SYTL3: variants seen among roughly 807,000 people sequenced by gnomAD.
SYTL3 encodes synaptotagmin like 3.
In SYTL3, 88 loss-of-function variants were observed where a neutral mutation model predicts 82.1. The ratio of observed to expected loss-of-function variants is 1.07; its 90% CI spans 0.90 to 1.28. The LOEUF (loss-of-function observed/expected upper bound fraction) is 1.28. Ranked by LOEUF, SYTL3 falls within the 50% of genes most tolerant of loss-of-function variation. The probability of loss-of-function intolerance (pLI) is 0.00; values close to 1 mark genes in which losing one functional copy is unlikely to be tolerated. For synonymous variants in SYTL3, 311 were observed against 289.4 expected, an observed-to-expected ratio of 1.07 and a Z score of -0.76; for missense variants, 831 against 757.6, an observed-to-expected ratio of 1.10 and a Z score of -1.14.
chr6:158,688,107 C>T (rs944059305), intron 6 of SYTL3, among the ~76,000 whole-genome samples: 7 of 152,164 alleles, frequency 4.6e-5, no homozygotes, highest in African/African-American at 1.7e-4. Context: ...AAGACTTCTT[C>T]CAAAATGTAT....
intron 11 of SYTL3, 183 bp downstream of exon 11, chr6:158,725,820 G>C: frequency 2.4e-6 from 2 of 835,748 alleles, no homozygotes; most frequent in Non-Finnish European, 3.9e-6. Flanking sequence ...GTAAAGTTGC[G>C]TTATCCTCAG....
intron 10 of SYTL3, among the ~76,000 whole-genome samples, chr6:158,722,589 C>T (rs1028134149): frequency 3.3e-5 from 5 of 152,010 alleles, no homozygotes; most frequent in African/African-American, 7.3e-5. Context: ...CTCTTCTGTG[C>T]ATTCCACTGG....
chr6:158,684,424 G>A (rs1190751731), intron 6 of SYTL3, among the ~76,000 whole-genome samples: 1 of 152,220 alleles, frequency 6.6e-6, no homozygotes, highest in African/African-American at 2.4e-5. Context: ...ACTGTGGAGA[G>A]AATGATTTGT....
rs187152213 is a variant in SYTL3 at position 158,719,049 on chromosome 6, G to A, written c.720+838G>A. On this transcript the variant is annotated intron_variant, in intron 10 of 17. Coordinates refer to ENST00000611299, the MANE Select transcript of SYTL3 (RefSeq NM_001242394.2). Reference sequence around the variant, plus strand: ...CCTGCCTCCCGCTCCAGCCCAGTGCGCCCCTCTGTAAAATGAAGATGATAA... The same window carrying A: ...CCTGCCTCCCGCTCCAGCCCAGTGCACCCCTCTGTAAAATGAAGATGATAA... Among the ~76,000 whole-genome samples, 297 of 152,262 alleles carry A rather than the reference G, an allele frequency of 2.0e-3. 1 individual carries two copies. The highest frequency in any genetic ancestry group is 3.3e-3 in the Admixed American group (51 of 15,290).
chr6:158,729,768 G>C (rs536987459), intron 11 of SYTL3, among the ~76,000 whole-genome samples: 1 of 151,610 alleles, frequency 6.6e-6, no homozygotes, highest in Non-Finnish European at 1.5e-5. Flanking sequence ...GGGTTTCACC[G>C]TGTTAGCCAG....
At chr6:158,735,249 C>T (rs1459171587) in intron 11 of SYTL3, among the ~76,000 whole-genome samples, 1 of 152,226 alleles carries the variant, frequency 6.6e-6, no homozygotes, top group East Asian at 1.9e-4. Flanking sequence ...TTGTTTTTAA[C>T]AGCCCCATCA....
upstream of SYTL3, among the ~76,000 whole-genome samples, chr6:158,645,145 T>A (rs1170661225): frequency 1.3e-5 from 2 of 152,162 alleles, no homozygotes; most frequent in African/African-American, 4.8e-5. Context: ...GTGCGCCCGG[T>A]GAGACGTTGT....
intron 11 of SYTL3, among the ~76,000 whole-genome samples, chr6:158,740,884 G>A (rs1786841559): frequency 6.6e-6 from 1 of 152,090 alleles, no homozygotes; most frequent in South Asian, 2.1e-4. Flanking sequence ...GTTTATTCCT[G>A]TACCATAAAA....
intron 11 of SYTL3, among the ~76,000 whole-genome samples, chr6:158,734,094 C>CAAA (rs560547617): frequency 0.013 from 938 of 73,586 alleles, 47 homozygotes; most frequent in African/African-American, 0.043. Context: ...GACCCTGTCT[C>CAAA]AAAAAAAAAA....
rs1283628668 is a variant in SYTL3, at chr6:158,757,235, G to C, written c.1162G>C (p.Val388Leu). 1 of 1,611,158 alleles carries C rather than the reference G, an allele frequency of 6.2e-7. No homozygotes were observed. The highest frequency in any genetic ancestry group is 2.2e-5 in the East Asian group (1 of 44,826). Residue 388 changes from valine to leucine, a missense_variant, in exon 14 of 18, where the codon GTG becomes CTG. Val to Leu is a conservative substitution (Grantham distance 32, BLOSUM62 1). Transcript: ENST00000611299. ...GTATCAGGTGGCCCCTGCCCAGCTGGTGACCCGGCAGCTGCAGGTCTCGGT... is the reference window on the plus strand; with the variant it reads ...GTATCAGGTGGCCCCTGCCCAGCTGCTGACCCGGCAGCTGCAGGTCTCGGT... ...LKYQVAPAQL[V>L]TRQLQVSVWH...
At chr6:158,648,603 AAAAAAAT>A (rs1787661415), upstream of SYTL3, among the ~76,000 whole-genome samples, 3 of 140,600 alleles carry the variant, frequency 2.1e-5, no homozygotes, top group Admixed American at 7.5e-5. Context: ...AAAAAAAAAA[AAAAAAAT>A]AATAATAATA....
intron 14 of SYTL3, among the ~76,000 whole-genome samples, chr6:158,759,168 CTG>C (rs1250060639): frequency 6.6e-6 from 1 of 152,202 alleles, no homozygotes; most frequent in Non-Finnish European, 1.5e-5. Flanking sequence ...CCTCATCAGA[CTG>C]AGCCTGCTCT....
At chr6:158,717,985 G>T in intron 9 of SYTL3, 102 bp from the exon 10 acceptor site, 1 of 1,186,836 alleles carries the variant, frequency 8.4e-7, no homozygotes, top group South Asian at 1.9e-5. Flanking sequence ...TTAAGACCTT[G>T]GGACCCACTG....
chr6:158,736,552 G>A (rs1262836035), intron 11 of SYTL3, among the ~76,000 whole-genome samples: 1 of 152,114 alleles, frequency 6.6e-6, no homozygotes, highest in African/African-American at 2.4e-5. Context: ...ACTTTGGGAG[G>A]CCAAGGCGGG....
At chr6:158,750,945 G>A (rs1788309740) in intron 12 of SYTL3, among the ~76,000 whole-genome samples, 1 of 152,086 alleles carries the variant, frequency 6.6e-6, no homozygotes, top group Non-Finnish European at 1.5e-5. Flanking sequence ...ACAGGTACAT[G>A]CCATCATGCC....
chr6:158,764,614 C>CT lies in SYTL3; in HGVS notation c.*11dup, dbSNP rs1271632969. ...TCTTGTCCTGCACTGACATGAAGGCCTCAAGGTTCCAGGTTGCAGCAGGCG... is the reference window on the plus strand; with the variant it reads ...TCTTGTCCTGCACTGACATGAAGGCCTTCAAGGTTCCAGGTTGCAGCAGGCG... On this transcript the variant is annotated 3_prime_UTR_variant, in exon 18 of 18. Transcript: ENST00000611299. 3 of 1,600,682 alleles carry CT rather than the reference C, an allele frequency of 1.9e-6. No homozygotes were observed. Among genetic ancestry groups the CT allele is most frequent in the Non-Finnish European group, 2.6e-6 (3 of 1,167,892 alleles).
intron 16 of SYTL3, 42 bp downstream of exon 16, chr6:158,762,220 A>C (rs1790071213): frequency 7.0e-7 from 1 of 1,424,606 alleles, no homozygotes; most frequent in African/African-American, 1.4e-5. Flanking sequence ...GTGATCTAGT[A>C]TACATCACAA....
At chr6:158,695,578 A>T (rs1476731701) in intron 6 of SYTL3, among the ~76,000 whole-genome samples, 1 of 152,246 alleles carries the variant, frequency 6.6e-6, no homozygotes, top group Non-Finnish European at 1.5e-5. Context: ...GCCACTTTTA[A>T]GCATTAAGTT....
rs1357595960 is a variant in SYTL3, at chr6:158,693,850, C to CTTT, written c.394+10863_394+10865dup. ...GCCACTGCATCCAGCCTTTCTTTTT[C>CTTT]TTTTCTTTTTTTTTTTTTTTTTTGT... On this transcript the variant is annotated intron_variant, in intron 6 of 17. Coordinates refer to ENST00000611299, the MANE Select transcript of SYTL3 (RefSeq NM_001242394.2). Among the ~76,000 whole-genome samples the CTTT allele has an allele frequency of 3.2e-3, 189 of 58,426 alleles. 8 individuals carry two copies. Among genetic ancestry groups the CTTT allele is most frequent in the African/African-American group, 0.023 (172 of 7,442 alleles). 38.3% of individuals were successfully genotyped at this position (58,426 alleles called of 152,430 possible).
Sources: allele counts gnomAD v4.1 joint callset (sites outside exome capture counted in the v4.1 genomes callset), GRCh38; gene constraint gnomAD v4.1.1; transcripts MANE v1.5; gene names NCBI Gene and HGNC (gene_info 2026-07-23, HGNC 2026-07-21).